Variants in AKAP6 observed in about 807,000 individuals in gnomAD.
The protein encoded by AKAP6 is A-kinase anchor protein 6.
In AKAP6, 58 loss-of-function variants were observed where a neutral mutation model predicts 188.5. That is an observed-to-expected ratio of 0.31 (90% CI 0.25 to 0.38). The LOEUF (loss-of-function observed/expected upper bound fraction) is 0.38. Among genes scored for constraint, AKAP6 ranks in the 10% least tolerant of loss-of-function variants. The pLI is 1.00. For missense variants in AKAP6, 2,710 were observed against 2,740.0 expected, an observed-to-expected ratio of 0.99 and a Z score of 0.24; for synonymous variants, 989 against 998.6, an observed-to-expected ratio of 0.99 and a Z score of 0.18.
intron 12 of AKAP6, among the ~76,000 whole-genome samples, chr14:32,789,780 G>A (rs1376790817): frequency 6.6e-6 from 1 of 152,172 alleles, no homozygotes; most frequent in African/African-American, 2.4e-5. Context: ...ATCGATGCAA[G>A]AATACTGAAA....
At chr14:32,620,114 G>A (rs554753834) in intron 7 of AKAP6, among the ~76,000 whole-genome samples, 44 of 152,000 alleles carry the variant, frequency 2.9e-4, no homozygotes, top group African/African-American at 9.6e-4. Flanking sequence ...TTGGCAAACT[G>A]AGATAGTTTA....
intron 1 of AKAP6, among the ~76,000 whole-genome samples, chr14:32,407,453 A>G (rs924392072): frequency 4.6e-5 from 7 of 152,328 alleles, no homozygotes; most frequent in Non-Finnish European, 5.9e-5. Context: ...CAGCCTCCAC[A>G]GAGCAATGAG....
At chr14:32,529,962 A>C (rs1211152254) in intron 2 of AKAP6, among the ~76,000 whole-genome samples, 3 of 118,820 alleles carry the variant, frequency 2.5e-5, no homozygotes, top group African/African-American at 6.9e-5. Flanking sequence ...GGGTAAAGAA[A>C]CTTTTTTTTT....
At position 32,830,876 on chromosome 14, in the gene AKAP6, AT is replaced by A. The variant is rs1337770275; in HGVS notation, c.*1072del. 6.6e-6 allele frequency: 1 copy of A among 152,540 alleles called. No individual in the cohort carries two copies. Among genetic ancestry groups the A allele is most frequent in the Non-Finnish European group, 1.5e-5 (1 of 68,032 alleles). The allele number at this position is 152,540 out of a possible 1,614,324, so 9.4% of individuals were successfully genotyped here. Reference sequence around the variant, plus strand: ...TTGTTGCATCTGGTTCTGAAAAAGTATAGCATGTAGCAGCTTCCAAACATAT... The same window carrying A: ...TTGTTGCATCTGGTTCTGAAAAAGTAAGCATGTAGCAGCTTCCAAACATAT... On this transcript the variant is annotated 3_prime_UTR_variant, in exon 14 of 14. Transcript: ENST00000280979.
intron 9 of AKAP6, among the ~76,000 whole-genome samples, chr14:32,713,669 C>T (rs1458865880): frequency 1.3e-5 from 2 of 152,046 alleles, no homozygotes; most frequent in Admixed American, 6.6e-5. Flanking sequence ...TAGTGTCCAA[C>T]ATTTCTTCTG....
intron 2 of AKAP6, among the ~76,000 whole-genome samples, chr14:32,469,521 G>GTT (rs1301838182): frequency 0.016 from 2,416 of 152,240 alleles, 77 homozygotes; most frequent in African/African-American, 0.054. Flanking sequence ...GTAAGAAAGT[G>GTT]TAATAATAAC....
chr14:32,578,079 G>A (rs1884808329), intron 5 of AKAP6, among the ~76,000 whole-genome samples: 1 of 152,148 alleles, frequency 6.6e-6, no homozygotes, highest in Admixed American at 6.5e-5. Context: ...CTCAACTGTG[G>A]GGTTGATTTT....
chr14:32,576,145 C>T (rs1403407479), intron 4 of AKAP6, among the ~76,000 whole-genome samples: 3 of 152,102 alleles, frequency 2.0e-5, no homozygotes, highest in Admixed American at 6.6e-5. Context: ...AGGACATCCT[C>T]AGTTAAGCAT....
At chr14:32,331,389 G>A (rs984741613) in intron 1 of AKAP6, among the ~76,000 whole-genome samples, 23 of 151,964 alleles carry the variant, frequency 1.5e-4, no homozygotes, top group Admixed American at 7.9e-4. Flanking sequence ...GGGGAAGGGC[G>A]CTGGTGGGTG....
intron 1 of AKAP6, among the ~76,000 whole-genome samples, chr14:32,397,034 A>T (rs922625061): frequency 6.6e-6 from 1 of 152,192 alleles, no homozygotes; most frequent in African/African-American, 2.4e-5. Context: ...AGAACAAAAA[A>T]GTAGTTTCCT....
At position 32,724,990 on chromosome 14, in the gene AKAP6, T is replaced by TAAAAAAAAAAAAAAAAAAAA. The variant is rs71432079; in HGVS notation, c.3001-7456_3001-7437dup. Among the ~76,000 whole-genome samples, 12 of 34,914 alleles carry TAAAAAAAAAAAAAAAAAAAA rather than the reference T, an allele frequency of 3.4e-4. 4 individuals are homozygous for TAAAAAAAAAAAAAAAAAAAA. The highest frequency in any genetic ancestry group is 4.3e-4 in the Non-Finnish European group (9 of 21,060). The allele number at this position is 34,914 out of a possible 152,430, so 22.9% of individuals were successfully genotyped here. On this transcript the variant is annotated intron_variant, in intron 9 of 13. Transcript: ENST00000280979. ...GGCTTTGTGTCATTTATATTCAACCTAAAAAAAAAAAAAAAAAAAAAAAAA... is the reference window on the plus strand; with the variant it reads ...GGCTTTGTGTCATTTATATTCAACCTAAAAAAAAAAAAAAAAAAAAAAAAAAAAAAAAAAAAAAAAAAAAA...
Position 32,500,495 on chromosome 14 carries a change from T to G in AKAP6, c.325-35059T>G, listed in dbSNP as rs865890315. ...AGCATACTTCCCCAGAGTCCCTGGTTGGAAGGAGGGCACACTTACTATATG... is the reference window on the plus strand; with the variant it reads ...AGCATACTTCCCCAGAGTCCCTGGTGGGAAGGAGGGCACACTTACTATATG... On this transcript the variant is annotated intron_variant, in intron 2 of 13. Transcript: ENST00000280979. 4.6e-5 allele frequency among the ~76,000 whole-genome samples: 7 copies of G among 152,130 alleles called. 1 individual carries two copies. In the South Asian group the frequency reaches 1.4e-3, roughly 32 times the overall value.
At chr14:32,523,222 A>T (rs906237165) in intron 2 of AKAP6, among the ~76,000 whole-genome samples, 1 of 152,192 alleles carries the variant, frequency 6.6e-6, no homozygotes, top group Non-Finnish European at 1.5e-5. Context: ...AGATATACCT[A>T]ATGTAAATGA....
chr14:32,388,533 G>A (rs1019302015), intron 1 of AKAP6, among the ~76,000 whole-genome samples: 2 of 152,056 alleles, frequency 1.3e-5, no homozygotes, highest in East Asian at 1.9e-4. Flanking sequence ...ATGACCCAGA[G>A]GTTTGGTAGG....
chr14:32,717,895 T>C (rs996911663), intron 9 of AKAP6, among the ~76,000 whole-genome samples: 6 of 152,068 alleles, frequency 3.9e-5, no homozygotes, highest in African/African-American at 1.2e-4. Context: ...AAAAATCTGT[T>C]GGGTTTTTGA....
intron 2 of AKAP6, among the ~76,000 whole-genome samples, chr14:32,439,784 A>G (rs1306935664): frequency 1.3e-5 from 2 of 152,124 alleles, no homozygotes; most frequent in African/African-American, 4.8e-5. Flanking sequence ...CTGACATTAA[A>G]AGTTACTGGC....
chr14:32,382,070 ATTAGTAATACC>A (rs1482708708), intron 1 of AKAP6, among the ~76,000 whole-genome samples: 1 of 152,230 alleles, frequency 6.6e-6, no homozygotes, highest in Non-Finnish European at 1.5e-5. Context: ...TGAAAAGGGG[ATTAGTAATACC>A]TTACAAGATT....
chr14:32,664,477 A>G (rs1295864275), intron 7 of AKAP6, among the ~76,000 whole-genome samples: 1 of 152,076 alleles, frequency 6.6e-6, no homozygotes, highest in Admixed American at 6.6e-5. Flanking sequence ...TTGAGTTTTA[A>G]TTTAGGTTCT....
rs776944282 is a variant in AKAP6, at chr14:32,782,073, G to A, written c.3588+8180G>A. Among the ~76,000 whole-genome samples, 56 of 151,924 alleles carry A rather than the reference G, an allele frequency of 3.7e-4. 2 individuals carry two copies. In the Middle Eastern group the frequency reaches 0.01, roughly 28 times the overall value. ...CCAGCTACTCTGGAGGCTGAGGCAGGAGAATTGCTTCAACCTGGGTGGTGG... is the reference window on the plus strand; with the variant it reads ...CCAGCTACTCTGGAGGCTGAGGCAGAAGAATTGCTTCAACCTGGGTGGTGG... On this transcript the variant is annotated intron_variant, in intron 12 of 13. Transcript: ENST00000280979.
Sources: allele counts gnomAD v4.1 joint callset (sites outside exome capture counted in the v4.1 genomes callset), GRCh38; gene constraint gnomAD v4.1.1; transcripts MANE v1.5; gene names NCBI Gene and HGNC (gene_info 2026-07-23, HGNC 2026-07-21).